The following ABTB2 variants were observed in gnomAD, a reference collection of about 807,000 sequenced individuals.
ABTB2 encodes the protein ankyrin repeat and BTB/POZ domain-containing protein 2.
Under a neutral mutation model 104.1 loss-of-function variants are expected in ABTB2, and 56 were observed. That is an observed-to-expected ratio of 0.54 (90% confidence interval 0.43 to 0.67). The LOEUF (loss-of-function observed/expected upper bound fraction) is 0.67. Ranked by LOEUF, ABTB2 falls within the 30% of genes least tolerant of loss-of-function variation. The pLI, the probability that ABTB2 is intolerant of heterozygous loss-of-function variation, is 0.00. For synonymous variants in ABTB2, 606 were observed against 608.2 expected, an observed-to-expected ratio of 1.00 and a Z score of 0.05; for missense variants, 1,279 against 1,407.7, an observed-to-expected ratio of 0.91 and a Z score of 1.46.
intron 1 of ABTB2, among the ~76,000 whole-genome samples, chr11:34,354,593 C>T (rs1855443914): frequency 6.6e-6 from 1 of 152,126 alleles, no homozygotes. Context: ...GGTTGGAAGC[C>T]CTTTAGCAGA....
At chr11:34,289,430 T>C (rs1172995500) in intron 1 of ABTB2, among the ~76,000 whole-genome samples, 1 of 152,184 alleles carries the variant, frequency 6.6e-6, no homozygotes, top group Non-Finnish European at 1.5e-5. Flanking sequence ...TTGACCTACA[T>C]TGTTTTATTT....
chr11:34,197,209 A>G, intron 3 of ABTB2, 116 bp downstream of exon 3: 1 of 1,132,210 alleles, frequency 8.8e-7, no homozygotes, highest in Non-Finnish European at 1.3e-6. Context: ...GGCATAGCAC[A>G]GTTCCAGGGC....
chr11:34,282,765 C>T (rs1564922984), intron 1 of ABTB2, among the ~76,000 whole-genome samples: 1 of 152,048 alleles, frequency 6.6e-6, no homozygotes, highest in Admixed American at 6.5e-5. Context: ...CTCCTGAACT[C>T]AGGTGATTCG....
intron 3 of ABTB2, among the ~76,000 whole-genome samples, chr11:34,179,411 A>G (rs760903979): frequency 2.6e-5 from 4 of 152,212 alleles, no homozygotes; most frequent in Non-Finnish European, 4.4e-5. Context: ...GCTGTGGAAG[A>G]CCACAGCTGA....
At chr11:34,234,830 T>C (rs4756119) in intron 1 of ABTB2, among the ~76,000 whole-genome samples, 22,358 of 152,180 alleles carry the variant, frequency 0.15, 1,952 homozygotes, top group East Asian at 0.42. Context: ...GAAGCACTTA[T>C]ACAGAGATTA....
At chr11:34,277,149 G>A (rs1010788313) in intron 1 of ABTB2, among the ~76,000 whole-genome samples, 10 of 152,096 alleles carry the variant, frequency 6.6e-5, no homozygotes, top group African/African-American at 1.4e-4. Context: ...TGACCTACCC[G>A]ACTCAGCCTC....
intron 1 of ABTB2, among the ~76,000 whole-genome samples, chr11:34,294,638 G>A (rs377107380): frequency 6.6e-6 from 1 of 152,108 alleles, no homozygotes; most frequent in African/African-American, 2.4e-5. Flanking sequence ...ACTTTGGGAG[G>A]CTAAAGCAGG....
rs80028125 is a variant in ABTB2, at chr11:34,163,044, G to A, written c.1989-239C>T. On this transcript the variant is annotated intron_variant, in intron 9 of 16. Transcript: ENST00000435224. The stretch of plus-strand genomic sequence containing the variant: ...ACCCTTCTACCATCCCCGTATTGCA[G>A]AGAAGCCATAGGCTTCGGGGCTGAG... Among the ~76,000 whole-genome samples the A allele has an allele frequency of 2.6e-4, 39 of 152,316 alleles. No homozygotes were observed. The East Asian group carries it at 6.6e-3, about 26-fold the overall frequency.
chr11:34,220,632 C>T (rs938690714), intron 1 of ABTB2, among the ~76,000 whole-genome samples: 3 of 152,178 alleles, frequency 2.0e-5, no homozygotes, highest in African/African-American at 7.2e-5. Flanking sequence ...GAGCAAAAGG[C>T]AGAAAGAGCC....
At position 34,164,910 on chromosome 11, in the gene ABTB2, G is replaced by A. The variant is rs544197461; in HGVS notation, c.1853-89C>T. The A allele has an allele frequency of 1.0e-4, 148 of 1,460,398 alleles. 1 individual carries two copies. The South Asian group carries it at 1.4e-3, about 14-fold the overall frequency. 90.5% of individuals were successfully genotyped at this position (1,460,398 alleles called of 1,614,324 possible). On this transcript the variant is annotated intron_variant, in intron 8 of 16. Transcript: ENST00000435224. ...AAAGGGAAGGGAGAGCAGGATTCTC[G>A]CAGCTCTGAGTGCTGGAATAAGTCA...
Position 34,159,915 on chromosome 11 carries a change from G to A in ABTB2, c.2597C>T (p.Ala866Val). 1 of 1,613,256 alleles carries A rather than the reference G, an allele frequency of 6.2e-7. No homozygotes were observed. Among genetic ancestry groups the A allele is most frequent in the Non-Finnish European group, 8.5e-7 (1 of 1,179,248 alleles). The change falls in exon 13 of 17, where the codon GCT becomes GTT. Residue 866 changes from alanine to valine, a missense_variant. Coordinates refer to ENST00000435224, the MANE Select transcript of ABTB2 (RefSeq NM_145804.3). The stretch of plus-strand genomic sequence containing the variant: ...ATCTGAGGCTGCCTACCTGTTAGAA[G>A]CTGTCACCAGCAGGACTTTATGTGC... Reference protein sequence around the residue: ...FYAHKVLLVTASNRFKTLMTN... With the variant: ...FYAHKVLLVTVSNRFKTLMTN...
chr11:34,318,172 T>C lies in ABTB2; in HGVS notation c.883+38529A>G, dbSNP rs189286422. Among the ~76,000 whole-genome samples the C allele has an allele frequency of 1.2e-4, 19 of 152,308 alleles. 1 individual carries two copies. In the East Asian group the frequency reaches 3.1e-3, roughly 25 times the overall value. On this transcript the variant is annotated intron_variant, in intron 1 of 16. Coordinates refer to ENST00000435224, the MANE Select transcript of ABTB2 (RefSeq NM_145804.3). ...TTAGTAGAGACAAGCTTTCGCCACA[T>C]TGGCCAGGCCAGTCTCAAACTCCTG...
At chr11:34,273,851 C>G (rs1329704177) in intron 1 of ABTB2, among the ~76,000 whole-genome samples, 1 of 152,104 alleles carries the variant, frequency 6.6e-6, no homozygotes, top group African/African-American at 2.4e-5. Flanking sequence ...TGAGACCCTG[C>G]CTCAAAAATA....
At chr11:34,156,451 C>T (rs976590363) in intron 14 of ABTB2, among the ~76,000 whole-genome samples, 5 of 151,878 alleles carry the variant, frequency 3.3e-5, no homozygotes, top group African/African-American at 1.2e-4. Flanking sequence ...GAGTGGGCCA[C>T]TTGGAAGCTG....
intron 2 of ABTB2, among the ~76,000 whole-genome samples, chr11:34,198,837 A>G (rs1441225922): frequency 6.6e-6 from 1 of 152,226 alleles, no homozygotes; most frequent in Non-Finnish European, 1.5e-5. Flanking sequence ...CCGCTCTAAG[A>G]AAAGCAGCTC....
At chr11:34,180,199 C>T (rs1281404765) in intron 3 of ABTB2, among the ~76,000 whole-genome samples, 5 of 152,208 alleles carry the variant, frequency 3.3e-5, no homozygotes, top group African/African-American at 1.2e-4. Flanking sequence ...AGGCTGCCCA[C>T]CACCCACTCC....
chr11:34,202,276 C>T (rs1036887245), intron 2 of ABTB2, among the ~76,000 whole-genome samples: 2 of 152,038 alleles, frequency 1.3e-5, no homozygotes, highest in Non-Finnish European at 2.9e-5. Context: ...ATGTGAAGGA[C>T]CAATGTACTT....
intron 1 of ABTB2, among the ~76,000 whole-genome samples, chr11:34,246,419 T>A (rs559491339): frequency 3.0e-4 from 45 of 152,038 alleles, no homozygotes; most frequent in African/African-American, 1.0e-3. Context: ...CTGACCAACA[T>A]GGAGAAACTC....
In ABTB2 at chr11:34,187,441, G is replaced by T. The variant is rs1853114959; in HGVS notation, c.1244+9884C>A. On this transcript the variant is annotated intron_variant, in intron 3 of 16. Transcript: ENST00000435224. ...CTAAATTTCGTAGATGTCCAAAATG[G>T]GCCTCGTTTAACAAGCCTTCTGTGA... Among the ~76,000 whole-genome samples the T allele has an allele frequency of 1.3e-5, 2 of 151,800 alleles. 1 individual carries two copies. Among genetic ancestry groups the T allele is most frequent in the South Asian group, 4.2e-4 (2 of 4,804 alleles).
Sources: allele counts gnomAD v4.1 joint callset (sites outside exome capture counted in the v4.1 genomes callset), GRCh38; gene constraint gnomAD v4.1.1; transcripts MANE v1.5; gene names NCBI Gene and HGNC (gene_info 2026-07-23, HGNC 2026-07-21).